PTPRD: variants seen among roughly 807,000 people sequenced by gnomAD.
PTPRD encodes protein tyrosine phosphatase receptor type D.
PTPRD carries 34 observed loss-of-function variants against 214.5 expected under a neutral mutation model. That is an observed-to-expected ratio of 0.16 (90% confidence interval 0.12 to 0.21). PTPRD has a LOEUF of 0.21. Ranked by LOEUF, PTPRD falls within the 10% of genes least tolerant of loss-of-function variation. The pLI, the probability that PTPRD is intolerant of heterozygous loss-of-function variation, is 1.00. For missense variants in PTPRD, 2,545 were observed against 2,398.7 expected (o/e 1.06, Z -1.27); for synonymous variants, 1,128 against 845.7 (o/e 1.33, Z -5.79).
At chr9:10,511,883 T>C (rs1227444304) in intron 2 of PTPRD, among the ~76,000 whole-genome samples, 1 of 140,842 alleles carries the variant, frequency 7.1e-6, no homozygotes, top group African/African-American at 2.6e-5. Context: ...TGTGTGTATA[T>C]ACACACACAC....
chr9:8,946,214 C>T (rs2099063179), intron 11 of PTPRD, among the ~76,000 whole-genome samples: 3 of 152,112 alleles, frequency 2.0e-5, no homozygotes, highest in African/African-American at 7.2e-5. Flanking sequence ...TTGACAATTA[C>T]TTGTTTTTTT....
chr9:10,420,421 A>G (rs1424601261), intron 2 of PTPRD, among the ~76,000 whole-genome samples: 2 of 152,032 alleles, frequency 1.3e-5, no homozygotes, highest in Non-Finnish European at 2.9e-5. Context: ...CTTAGAGATT[A>G]GAACTAAATT....
intron 3 of PTPRD, among the ~76,000 whole-genome samples, chr9:10,040,318 G>A (rs1208842267): frequency 1.3e-5 from 2 of 151,954 alleles, no homozygotes; most frequent in African/African-American, 4.8e-5. Flanking sequence ...TTGAATAAAT[G>A]GATAGCCATC....
intron 11 of PTPRD, among the ~76,000 whole-genome samples, chr9:8,969,184 C>G (rs927237721): frequency 1.3e-5 from 2 of 152,052 alleles, no homozygotes; most frequent in African/African-American, 2.4e-5. Flanking sequence ...ACTGACATCA[C>G]TTTTCACTCA....
At chr9:9,591,495 G>T (rs1034906885) in intron 7 of PTPRD, among the ~76,000 whole-genome samples, 2 of 152,002 alleles carry the variant, frequency 1.3e-5, no homozygotes, top group Non-Finnish European at 1.5e-5. Context: ...CAGTTGAGCT[G>T]CACTGCATCT....
intron 2 of PTPRD, among the ~76,000 whole-genome samples, chr9:10,396,746 C>A (rs1294720227): frequency 6.6e-6 from 1 of 151,974 alleles, no homozygotes; most frequent in Non-Finnish European, 1.5e-5. Context: ...ATAACAATTG[C>A]CTGTAATGCA....
intron 10 of PTPRD, among the ~76,000 whole-genome samples, chr9:9,135,955 AT>A (rs2099850147): frequency 6.6e-6 from 1 of 151,600 alleles, no homozygotes; most frequent in African/African-American, 2.4e-5. Context: ...ATAAAACGTT[AT>A]TTTTTCATGT....
chr9:9,683,459 A>C (rs1425066968), intron 7 of PTPRD, among the ~76,000 whole-genome samples: 3 of 151,766 alleles, frequency 2.0e-5, no homozygotes, highest in African/African-American at 7.2e-5. Context: ...TCCAGGAAAA[A>C]TAAACATCAA....
chr9:10,290,156 G>C (rs2095487741), intron 3 of PTPRD, among the ~76,000 whole-genome samples: 1 of 152,126 alleles, frequency 6.6e-6, no homozygotes, highest in Non-Finnish European at 1.5e-5. Flanking sequence ...TGGTGATTGT[G>C]AGTGGGTGGT....
chr9:9,600,040 G>T (rs1010460632), intron 7 of PTPRD, among the ~76,000 whole-genome samples: 1 of 151,940 alleles, frequency 6.6e-6, no homozygotes, highest in African/African-American at 2.4e-5. Context: ...AATCCAAGCA[G>T]ATGAGTTACA....
At chr9:9,873,958 T>C (rs1221586647) in intron 5 of PTPRD, among the ~76,000 whole-genome samples, 2 of 152,108 alleles carry the variant, frequency 1.3e-5, no homozygotes, top group East Asian at 1.9e-4. Flanking sequence ...TATTATTATA[T>C]ATAAAAGAAA....
chr9:10,065,607 T>C (rs1213382277), intron 3 of PTPRD, among the ~76,000 whole-genome samples: 1 of 151,954 alleles, frequency 6.6e-6, no homozygotes, highest in Non-Finnish European at 1.5e-5. Flanking sequence ...AATGTTCTTT[T>C]AAAAAATTTT....
intron 14 of PTPRD, among the ~76,000 whole-genome samples, chr9:8,617,353 C>T (rs1475539770): frequency 6.6e-6 from 1 of 152,054 alleles, no homozygotes; most frequent in Non-Finnish European, 1.5e-5. Context: ...GAGATTTGTG[C>T]ACTTCTCAGG....
At chr9:10,503,419 G>T (rs1238179057) in intron 2 of PTPRD, among the ~76,000 whole-genome samples, 2 of 151,742 alleles carry the variant, frequency 1.3e-5, no homozygotes, top group African/African-American at 4.8e-5. Context: ...CAAAAATATT[G>T]AATAATATCC....
intron 11 of PTPRD, among the ~76,000 whole-genome samples, chr9:8,950,426 C>G (rs557074440): frequency 6.6e-6 from 1 of 151,174 alleles, no homozygotes; most frequent in Admixed American, 6.6e-5. Context: ...GAGAAGAAAG[C>G]TGTGGGGCAA....
chr9:10,400,548 G>T (rs1327503037), intron 2 of PTPRD, among the ~76,000 whole-genome samples: 1 of 151,448 alleles, frequency 6.6e-6, no homozygotes, highest in Non-Finnish European at 1.5e-5. Context: ...AAATAAATCT[G>T]TAAAAATCAG....
chr9:8,487,852 T>G (rs200250752), intron 27 of PTPRD, among the ~76,000 whole-genome samples: 2 of 149,606 alleles, frequency 1.3e-5, no homozygotes, highest in Admixed American at 6.6e-5. Context: ...CTTGGCAACA[T>G]AGCAAGACCT....
chr9:9,925,389 G>T (rs930920971), intron 5 of PTPRD, among the ~76,000 whole-genome samples: 1 of 151,954 alleles, frequency 6.6e-6, no homozygotes, highest in Non-Finnish European at 1.5e-5. Flanking sequence ...CTAACAGGAG[G>T]GTGACTGCTG....
At chr9:8,949,718 T>C (rs182092172) in intron 11 of PTPRD, among the ~76,000 whole-genome samples, 1 of 152,196 alleles carries the variant, frequency 6.6e-6, no homozygotes, top group Admixed American at 6.5e-5. Context: ...CAACTGCTAC[T>C]GAAAATATTT....
Sources: allele counts gnomAD v4.1 joint callset (sites outside exome capture counted in the v4.1 genomes callset), GRCh38; gene constraint gnomAD v4.1.1; transcripts MANE v1.5; gene names NCBI Gene and HGNC (gene_info 2026-07-23, HGNC 2026-07-21).